REC114: variants seen among roughly 807,000 people sequenced by gnomAD.
REC114 encodes the protein meiotic recombination protein REC114.
Under a neutral mutation model 31.3 loss-of-function variants are expected in REC114, and 27 were observed. The ratio of observed to expected loss-of-function variants is 0.86; its 90% CI spans 0.64 to 1.19. The LOEUF (loss-of-function observed/expected upper bound fraction) is 1.19. Ranked by LOEUF, REC114 falls within the 50% of genes most tolerant of loss-of-function variation. The probability of loss-of-function intolerance (pLI) is 0.00; values close to 1 mark genes in which losing one functional copy is unlikely to be tolerated. For missense variants in REC114, 344 were observed against 326.9 expected (o/e 1.05, Z -0.40); for synonymous variants, 134 against 127.7 (o/e 1.05, Z -0.33).
intron 1 of REC114, among the ~76,000 whole-genome samples, chr15:73,450,313 G>GA (rs542008282): frequency 2.6e-4 from 38 of 144,516 alleles, no homozygotes; most frequent in Middle Eastern, 7.0e-3. Context: ...CAAATGGAAA[G>GA]AAAAAAAAAA....
intron 2 of REC114, among the ~76,000 whole-genome samples, chr15:73,502,156 T>TAA (rs10677925): frequency 0.015 from 2,260 of 147,366 alleles, 30 homozygotes; most frequent in African/African-American, 0.02. Context: ...CCTTGTCTCT[T>TAA]AAAAAAAAAA....
chr15:73,540,558 C>G lies in REC114; in HGVS notation c.323C>G (p.Thr108Arg). The change falls in exon 3 of 6, where the codon ACA (threonine) becomes AGA (arginine). Residue 108 changes from threonine (T) to arginine (R), a missense_variant. By Grantham distance (71) the Thr-to-Arg change is moderately conservative. Coordinates refer to ENST00000331090, the MANE Select transcript of REC114 (RefSeq NM_001042367.2). Reference protein sequence around the residue: ...VRRVDCLLFGTTIKDKSRLFR... With the variant: ...VRRVDCLLFGRTIKDKSRLFR... ...CGCGTGGATTGTCTGTTGTTTGGAA[C>G]AACGATAAAGGCAAGATTTAAGCTA... The G allele has an allele frequency of 6.2e-7, 1 of 1,612,840 alleles. No homozygotes were observed. Among genetic ancestry groups the G allele is most frequent in the Non-Finnish European group, 8.5e-7 (1 of 1,178,868 alleles).
At chr15:73,454,009 C>T (rs1892885743) in intron 1 of REC114, among the ~76,000 whole-genome samples, 1 of 152,000 alleles carries the variant, frequency 6.6e-6, no homozygotes, top group Admixed American at 6.6e-5. Context: ...AGGATAAATA[C>T]CTAATGTAGA....
At chr15:73,489,695 C>T (rs1032622981) in intron 2 of REC114, among the ~76,000 whole-genome samples, 36 of 151,610 alleles carry the variant, frequency 2.4e-4, no homozygotes, top group Admixed American at 2.0e-3. Flanking sequence ...TAGGGGAACA[C>T]GTTCAGTCCA....
chr15:73,518,528 C>T (rs1314166595), intron 2 of REC114, among the ~76,000 whole-genome samples: 1 of 152,228 alleles, frequency 6.6e-6, no homozygotes, highest in Non-Finnish European at 1.5e-5. Flanking sequence ...TAAATCACAT[C>T]CTTTTTCATA....
At chr15:73,462,109 T>C (rs1892998059) in intron 1 of REC114, among the ~76,000 whole-genome samples, 1 of 151,700 alleles carries the variant, frequency 6.6e-6, no homozygotes, top group African/African-American at 2.4e-5. Context: ...TTTTTGTATT[T>C]TTTGTAGAGA....
intron 2 of REC114, among the ~76,000 whole-genome samples, chr15:73,480,963 C>T (rs1054228298): frequency 6.6e-6 from 1 of 152,218 alleles, no homozygotes; most frequent in African/African-American, 2.4e-5. Flanking sequence ...CAGGCCACCG[C>T]ACCTGGCCTT....
chr15:73,534,302 AAGAG>A (rs899954973), intron 2 of REC114, among the ~76,000 whole-genome samples: 25 of 152,218 alleles, frequency 1.6e-4, no homozygotes, highest in Non-Finnish European at 2.9e-4. Context: ...CTAATAAAAA[AAGAG>A]AGAAGAATCA....
intron 2 of REC114, among the ~76,000 whole-genome samples, chr15:73,476,611 G>A (rs1012054392): frequency 2.0e-5 from 3 of 152,030 alleles, no homozygotes; most frequent in African/African-American, 7.2e-5. Context: ...GCCTTTTCTA[G>A]AATTCATGTA....
chr15:73,496,709 C>T (rs940244188), intron 2 of REC114, among the ~76,000 whole-genome samples: 1 of 151,820 alleles, frequency 6.6e-6, no homozygotes, highest in Non-Finnish European at 1.5e-5. Context: ...TACCATTCAC[C>T]CAGCTTTCCC....
At chr15:73,556,995 G>T (rs916335325) in intron 5 of REC114, among the ~76,000 whole-genome samples, 1 of 151,726 alleles carries the variant, frequency 6.6e-6, no homozygotes, top group Non-Finnish European at 1.5e-5. Context: ...CCTCATTGCA[G>T]GTGTTCAAGC....
intron 1 of REC114, among the ~76,000 whole-genome samples, chr15:73,460,042 C>A (rs2151253978): frequency 6.6e-6 from 1 of 152,172 alleles, no homozygotes; most frequent in East Asian, 1.9e-4. Flanking sequence ...AACCTTATAA[C>A]TGATGTTCTA....
At chr15:73,469,720 C>T (rs1893107729) in intron 1 of REC114, among the ~76,000 whole-genome samples, 1 of 146,022 alleles carries the variant, frequency 6.8e-6, no homozygotes, top group African/African-American at 2.6e-5. Context: ...CGTCTCCCTC[C>T]TTTGCCCAGG....
In REC114 at chr15:73,540,473, A is replaced by G. The variant is rs1894222411; in HGVS notation, c.250-12A>G. On this transcript the variant is annotated splice_polypyrimidine_tract_variant and intron_variant, in intron 2 of 5. Transcript: ENST00000331090. ...TGTTTCTGTTGCTAATTTTTGCCTA[A>G]TTTTGTTTCAGGAAGGGTTTTCACT... The G allele has an allele frequency of 6.2e-7, 1 of 1,610,708 alleles. No individual in the cohort carries two copies. The highest frequency in any genetic ancestry group is 1.3e-5 in the African/African-American group (1 of 74,832).
chr15:73,510,116 T>A lies in REC114; in HGVS notation c.250-30369T>A, dbSNP rs1197474934. Reference sequence around the variant, plus strand: ...ATTTGTTTGTATCCTCTTTTATTTCTTTGAGCAGTGGTTTGTAGTTCTCCT... The same window carrying A: ...ATTTGTTTGTATCCTCTTTTATTTCATTGAGCAGTGGTTTGTAGTTCTCCT... On this transcript the variant is annotated intron_variant, in intron 2 of 5. Transcript: ENST00000331090. Among the ~76,000 whole-genome samples the A allele has an allele frequency of 5.4e-3, 824 of 151,910 alleles. 5 individuals carry two copies. Among genetic ancestry groups the A allele is most frequent in the African/African-American group, 0.019 (784 of 41,402 alleles).
chr15:73,455,796 T>C (rs1297137031), intron 1 of REC114, among the ~76,000 whole-genome samples: 1 of 152,096 alleles, frequency 6.6e-6, no homozygotes, highest in Non-Finnish European at 1.5e-5. Context: ...TACCCAGACC[T>C]TAATGTGCAT....
intron 2 of REC114, among the ~76,000 whole-genome samples, chr15:73,508,577 A>G (rs543304517): frequency 1.4e-4 from 20 of 140,910 alleles, no homozygotes; most frequent in South Asian, 1.0e-3. Context: ...TATATCTCCC[A>G]ATGCTATCCC....
At chr15:73,447,666 A>T (rs954223704) in intron 1 of REC114, among the ~76,000 whole-genome samples, 6 of 151,524 alleles carry the variant, frequency 4.0e-5, no homozygotes, top group African/African-American at 7.3e-5. Flanking sequence ...TAAATAAATA[A>T]ATAAATAAAT....
chr15:73,513,495 C>A (rs199521162), intron 2 of REC114, among the ~76,000 whole-genome samples: 14 of 148,822 alleles, frequency 9.4e-5, no homozygotes, highest in African/African-American at 3.4e-4. Context: ...TGAGGAACTG[C>A]GTTCCTTTGG....
Sources: allele counts gnomAD v4.1 joint callset (sites outside exome capture counted in the v4.1 genomes callset), GRCh38; gene constraint gnomAD v4.1.1; transcripts MANE v1.5; gene names NCBI Gene and HGNC (gene_info 2026-07-23, HGNC 2026-07-21).